Variants in TAFA5 observed in about 807,000 individuals in gnomAD.
TAFA5 encodes chemokine-like protein TAFA-5.
TAFA5 carries 6 observed loss-of-function variants against 15.3 expected under a neutral mutation model. The observed-to-expected ratio is 0.39, with a 90% CI of 0.21 to 0.77. TAFA5 has a LOEUF of 0.77. TAFA5 is among the 30% of genes least tolerant of loss of function. The pLI is 0.41. For synonymous variants in TAFA5, 103 were observed against 80.7 expected (o/e 1.28, Z -1.48); for missense variants, 161 against 193.1 (o/e 0.83, Z 0.98).
chr22:48,562,953 G>A (rs900512281), intron 1 of TAFA5, among the ~76,000 whole-genome samples: 2 of 152,250 alleles, frequency 1.3e-5, no homozygotes, highest in African/African-American at 4.8e-5. Flanking sequence ...CCTGGGGGGT[G>A]ATGGCACTGG....
intron 1 of TAFA5, among the ~76,000 whole-genome samples, chr22:48,523,726 C>T (rs1200371908): frequency 1.3e-5 from 2 of 152,340 alleles, no homozygotes; most frequent in East Asian, 3.9e-4. Flanking sequence ...AACCCCTATT[C>T]CTGGGCAGCC....
intron 1 of TAFA5, among the ~76,000 whole-genome samples, chr22:48,554,386 A>G (rs1922958696): frequency 6.6e-6 from 1 of 152,246 alleles, no homozygotes; most frequent in East Asian, 1.9e-4. Context: ...AAAATGATTT[A>G]CGATTAATAC....
Position 48,542,276 on chromosome 22 carries a change from G to T in TAFA5, c.112+52572G>T, listed in dbSNP as rs373386359. 8.0e-3 allele frequency among the ~76,000 whole-genome samples: 944 copies of T among 117,500 alleles called. 7 individuals carry two copies. The highest frequency in any genetic ancestry group is 0.026 in the African/African-American group (820 of 32,146). The allele number at this position is 117,500 out of a possible 152,430, so 77.1% of individuals were successfully genotyped here. A position where few individuals can be genotyped will look rare whatever the true frequency, so the allele number is the denominator to read the frequency against. On this transcript the variant is annotated intron_variant, in intron 1 of 3. Coordinates refer to ENST00000402357, the MANE Select transcript of TAFA5 (RefSeq NM_001082967.3). ...TGTGTATGTGTGTGTGGTGTGTGTG[G>T]GGGGTGTGTGTGCATGTGTGATGTG...
Position 48,490,592 on chromosome 22 carries a change from G to T in TAFA5, c.112+888G>T, listed in dbSNP as rs1928115202. 6.6e-6 allele frequency among the ~76,000 whole-genome samples: 1 copy of T among 151,610 alleles called. No homozygotes were observed. Among genetic ancestry groups the T allele is most frequent in the Non-Finnish European group, 1.5e-5 (1 of 67,848 alleles). On this transcript the variant is annotated intron_variant, in intron 1 of 3. Coordinates refer to ENST00000402357, the MANE Select transcript of TAFA5 (RefSeq NM_001082967.3). This position sits in a 1 kb window ranked among gnomAD's most constrained non-coding sequence, Gnocchi z 5.8. ...CCGGGGCACGTTCGCGGCTGGTGGGGTAAGTGGGGGCCGCTCAGCGTCCCG... is the reference window on the plus strand; with the variant it reads ...CCGGGGCACGTTCGCGGCTGGTGGGTTAAGTGGGGGCCGCTCAGCGTCCCG...
chr22:48,683,395 G>A (rs748066991), intron 2 of TAFA5, among the ~76,000 whole-genome samples: 6 of 152,228 alleles, frequency 3.9e-5, no homozygotes, highest in Non-Finnish European at 7.3e-5. Context: ...CCTTTCATCA[G>A]CCTAACAGCC....
chr22:48,601,890 C>G (rs569545970), intron 1 of TAFA5, among the ~76,000 whole-genome samples: 2 of 152,350 alleles, frequency 1.3e-5, no homozygotes, highest in African/African-American at 4.8e-5. Flanking sequence ...CCTCGTTCCT[C>G]CACACAGTCG....
chr22:48,640,331 A>ACC (rs1199918969), intron 1 of TAFA5, among the ~76,000 whole-genome samples: 1 of 151,866 alleles, frequency 6.6e-6, no homozygotes, highest in East Asian at 1.9e-4. Context: ...GCATGCCAGC[A>ACC]CCCACCGCCC....
At chr22:48,684,685 A>G (rs1379387873) in intron 2 of TAFA5, among the ~76,000 whole-genome samples, 7 of 152,218 alleles carry the variant, frequency 4.6e-5, no homozygotes, top group African/African-American at 4.8e-5. Flanking sequence ...GGGACAGGCA[A>G]GTGCCCAAGG....
Position 48,749,952 on chromosome 22 carries a change from G to A in TAFA5, c.*105G>A, listed in dbSNP as rs542119204. ...CCTCGGACTTCACCCGTTCTCTGCC[G>A]CCCGCCCACTCCGTTTCCCTGTGGT... On this transcript the variant is annotated 3_prime_UTR_variant, in exon 4 of 4. Coordinates refer to ENST00000402357, the MANE Select transcript of TAFA5 (RefSeq NM_001082967.3). The A allele has an allele frequency of 8.1e-6, 9 of 1,106,004 alleles. No individual in the cohort carries two copies. The highest frequency in any genetic ancestry group is 1.5e-5 in the African/African-American group (1 of 64,692). The allele number at this position is 1,106,004 out of a possible 1,614,324, so 68.5% of individuals were successfully genotyped here.
chr22:48,644,515 C>G lies in TAFA5; in HGVS notation c.113-2082C>G, dbSNP rs114272992. Among the ~76,000 whole-genome samples, 272 of 152,322 alleles carry G rather than the reference C, an allele frequency of 1.8e-3. 1 individual carries two copies. Among genetic ancestry groups the G allele is most frequent in the African/African-American group, 6.3e-3 (263 of 41,586 alleles). Reference sequence around the variant, plus strand: ...TCATCCAGTGCCTCCTGGTCACAATCAGACACGGGCACTCCCCAGGGTTGA... The same window carrying G: ...TCATCCAGTGCCTCCTGGTCACAATGAGACACGGGCACTCCCCAGGGTTGA... On this transcript the variant is annotated intron_variant, in intron 1 of 3. Coordinates refer to ENST00000402357, the MANE Select transcript of TAFA5 (RefSeq NM_001082967.3).
At chr22:48,634,323 C>T (rs886984571) in intron 1 of TAFA5, among the ~76,000 whole-genome samples, 3 of 152,184 alleles carry the variant, frequency 2.0e-5, no homozygotes, top group Non-Finnish European at 4.4e-5. Flanking sequence ...TTTATTCACT[C>T]ACTTATTCAA....
chr22:48,541,542 T>C (rs768957665), intron 1 of TAFA5, among the ~76,000 whole-genome samples: 13 of 152,120 alleles, frequency 8.5e-5, no homozygotes, highest in Non-Finnish European at 1.5e-4. Context: ...GTCCCAGGTG[T>C]GAGGAGCCCA....
At chr22:48,611,960 C>T (rs1485649158) in intron 1 of TAFA5, among the ~76,000 whole-genome samples, 7 of 152,188 alleles carry the variant, frequency 4.6e-5, no homozygotes, top group Non-Finnish European at 7.3e-5. Context: ...TCCTGGGTCC[C>T]TGTTTACTGC....
At chr22:48,654,986 G>A (rs5771678) in intron 2 of TAFA5, among the ~76,000 whole-genome samples, 21,689 of 152,184 alleles carry the variant, frequency 0.14, 1,818 homozygotes, top group Admixed American at 0.26. Context: ...GTCAGGCAGC[G>A]TGTGGTGGAT....
intron 1 of TAFA5, among the ~76,000 whole-genome samples, chr22:48,596,290 T>C (rs1299598978): frequency 6.6e-6 from 1 of 152,226 alleles, no homozygotes; most frequent in African/African-American, 2.4e-5. Flanking sequence ...TTGACCACGC[T>C]GTGCCTCCAC....
intron 1 of TAFA5, among the ~76,000 whole-genome samples, chr22:48,500,823 G>A (rs1601836003): frequency 6.6e-6 from 1 of 152,198 alleles, no homozygotes; most frequent in Non-Finnish European, 1.5e-5. Flanking sequence ...CTCAGGAGGT[G>A]GGGATGGGCC....
At position 48,489,934 on chromosome 22, in the gene TAFA5, C is replaced by T. The variant is rs1054402581; in HGVS notation, c.112+230C>T. On this transcript the variant is annotated intron_variant, in intron 1 of 3. Coordinates refer to ENST00000402357, the MANE Select transcript of TAFA5 (RefSeq NM_001082967.3). The surrounding 1 kb of genome is among the most constrained non-coding windows in gnomAD (Gnocchi z 5.5). Reference sequence around the variant, plus strand: ...GGGTCGGACGCCCCGGCCCGAGCCTCCCTTCCCTGACTCCCCGGCAGGGCC... The same window carrying T: ...GGGTCGGACGCCCCGGCCCGAGCCTTCCTTCCCTGACTCCCCGGCAGGGCC... Among the ~76,000 whole-genome samples, 7 of 151,854 alleles carry T rather than the reference C, an allele frequency of 4.6e-5. No homozygotes were observed. Among genetic ancestry groups the T allele is most frequent in the Non-Finnish European group, 1.0e-4 (7 of 67,936 alleles).
chr22:48,490,011 C>T lies in TAFA5; in HGVS notation c.112+307C>T, dbSNP rs1928086996. On this transcript the variant is annotated intron_variant, in intron 1 of 3. Coordinates refer to ENST00000402357, the MANE Select transcript of TAFA5 (RefSeq NM_001082967.3). This position sits in a 1 kb window ranked among gnomAD's most constrained non-coding sequence, Gnocchi z 5.8. ...CCCGTCCCTGCCCGGCGGTCGGAGC[C>T]CAGCCAGCGGCTTCCCGGCCGAGAT... Among the ~76,000 whole-genome samples the T allele has an allele frequency of 6.6e-6, 1 of 151,926 alleles. No individual in the cohort carries two copies. Among genetic ancestry groups the T allele is most frequent in the Non-Finnish European group, 1.5e-5 (1 of 67,964 alleles).
intron 1 of TAFA5, among the ~76,000 whole-genome samples, chr22:48,635,304 G>A (rs1020784390): frequency 6.6e-6 from 1 of 152,224 alleles, no homozygotes; most frequent in Non-Finnish European, 1.5e-5. Context: ...AGAAGCAGAG[G>A]CCAGGGGCCT....
Sources: allele counts gnomAD v4.1 joint callset (sites outside exome capture counted in the v4.1 genomes callset), GRCh38; gene constraint gnomAD v4.1.1; non-coding constraint Gnocchi (gnomAD v3.1); transcripts MANE v1.5; gene names NCBI Gene and HGNC (gene_info 2026-07-23, HGNC 2026-07-21).